DIAPH2: variants seen among roughly 807,000 people sequenced by gnomAD.
The protein encoded by DIAPH2 is protein diaphanous homolog 2.
In DIAPH2, 35 loss-of-function variants were observed where a neutral mutation model predicts 92.7. The ratio of observed to expected loss-of-function variants is 0.38; its 90% CI spans 0.29 to 0.50. The LOEUF is 0.50. Among genes scored for constraint, DIAPH2 ranks in the 20% least tolerant of loss-of-function variants. The pLI, the probability that DIAPH2 is intolerant of heterozygous loss-of-function variation, is 0.94. For missense variants in DIAPH2, 701 were observed against 819.5 expected (o/e 0.86, Z 1.77); for synonymous variants, 301 against 280.4 (o/e 1.07, Z -0.73).
intron 22 of DIAPH2, among the ~76,000 whole-genome samples, chrX:97,156,843 T>C (rs1352121414): frequency 2.7e-5 from 3 of 111,790 alleles, no homozygotes; most frequent in Non-Finnish European, 5.6e-5. Context: ...AGCAGTGTCA[T>C]ACTATGAACG....
intron 5 of DIAPH2, among the ~76,000 whole-genome samples, chrX:96,887,493 G>A (rs887400450): frequency 3.6e-5 from 4 of 110,673 alleles, no homozygotes; most frequent in Admixed American, 2.9e-4. Context: ...ATCCACCCAA[G>A]GTTTTTTCCT....
chrX:97,553,952 C>A (rs974073594), intron 26 of DIAPH2, among the ~76,000 whole-genome samples: 1 of 111,751 alleles, frequency 8.9e-6, no homozygotes, highest in Non-Finnish European at 1.9e-5. Flanking sequence ...GATAGACATA[C>A]ACTAGTACAT....
At chrX:97,037,318 T>C (rs1032252466) in intron 17 of DIAPH2, among the ~76,000 whole-genome samples, 2 of 111,232 alleles carry the variant, frequency 1.8e-5, no homozygotes, top group Non-Finnish European at 3.8e-5. Flanking sequence ...TGTATATTTA[T>C]CTCCTGCTGC....
chrX:97,382,825 G>T (rs2069563272), intron 24 of DIAPH2, among the ~76,000 whole-genome samples: 1 of 112,069 alleles, frequency 8.9e-6, no homozygotes, highest in African/African-American at 3.2e-5. Flanking sequence ...TTAACATAAA[G>T]AAAAAAATTA....
intron 26 of DIAPH2, among the ~76,000 whole-genome samples, chrX:97,540,130 TACTCAGTAC>T (rs200739619): frequency 0.021 from 2,373 of 112,243 alleles, 61 homozygotes; most frequent in African/African-American, 0.073. Flanking sequence ...ATCCTTGTCA[TACTCAGTAC>T]ACTGTTCACA....
chrX:97,087,908 C>CA (rs200538054), intron 19 of DIAPH2, among the ~76,000 whole-genome samples: 1,776 of 111,027 alleles, frequency 0.016, 45 homozygotes, highest in African/African-American at 0.055. Context: ...TCTTTGATCC[C>CA]AGCTCATCAT....
chrX:97,275,185 C>A (rs779058369), intron 23 of DIAPH2, among the ~76,000 whole-genome samples: 45 of 111,462 alleles, frequency 4.0e-4, no homozygotes, highest in African/African-American at 1.4e-3. Flanking sequence ...GGCGGCCGGG[C>A]AGAGGGGCTC....
At chrX:97,365,480 C>T (rs2069371217) in intron 24 of DIAPH2, among the ~76,000 whole-genome samples, 1 of 110,773 alleles carries the variant, frequency 9.0e-6, no homozygotes, top group African/African-American at 3.3e-5. Context: ...ATCTAACTCT[C>T]CCCAGCCACT....
chrX:96,822,016 T>G (rs1057302559), intron 4 of DIAPH2, among the ~76,000 whole-genome samples: 2 of 111,642 alleles, frequency 1.8e-5, no homozygotes, highest in South Asian at 3.7e-4. Context: ...CTGAATACAT[T>G]GTTGTGGCTG....
chrX:97,241,229 A>G (rs1036072607), intron 22 of DIAPH2, among the ~76,000 whole-genome samples: 1 of 112,270 alleles, frequency 8.9e-6, no homozygotes, highest in African/African-American at 3.2e-5. Flanking sequence ...ACTACTTAGA[A>G]TAATGTCTAG....
At chrX:97,381,468 A>G (rs1211712011) in intron 24 of DIAPH2, among the ~76,000 whole-genome samples, 2 of 112,104 alleles carry the variant, frequency 1.8e-5, no homozygotes, top group Non-Finnish European at 3.8e-5. Flanking sequence ...TAGTATCAAT[A>G]TATCCTAAAT....
chrX:97,498,717 T>C (rs1364410144), intron 26 of DIAPH2, among the ~76,000 whole-genome samples: 3 of 111,693 alleles, frequency 2.7e-5, no homozygotes, highest in Non-Finnish European at 5.6e-5. Flanking sequence ...CATTAATTTA[T>C]TTACCATTGA....
chrX:97,583,066 T>C (rs1415436728), intron 26 of DIAPH2, among the ~76,000 whole-genome samples: 2 of 111,403 alleles, frequency 1.8e-5, no homozygotes, highest in African/African-American at 6.5e-5. Context: ...ATTCTAGTTA[T>C]ACATTCTTCT....
At chrX:97,379,131 C>T (rs1338408894) in intron 24 of DIAPH2, among the ~76,000 whole-genome samples, 1 of 111,077 alleles carries the variant, frequency 9.0e-6, no homozygotes, top group Admixed American at 9.5e-5. Flanking sequence ...TCATGAGTGC[C>T]AAGTTACAGT....
intron 26 of DIAPH2, among the ~76,000 whole-genome samples, chrX:97,590,103 C>CT (rs1569430534): frequency 8.9e-6 from 1 of 112,250 alleles, no homozygotes; most frequent in African/African-American, 3.2e-5. Context: ...TTTATAGACT[C>CT]TTGCATTGTA....
chrX:96,946,293 T>G (rs1160629460), intron 14 of DIAPH2, among the ~76,000 whole-genome samples: 1 of 111,775 alleles, frequency 8.9e-6, no homozygotes, highest in Non-Finnish European at 1.9e-5. Flanking sequence ...AGTTTCTCTT[T>G]TTTTGTTCTA....
chrX:96,819,660 G>A (rs1009499942), intron 4 of DIAPH2, among the ~76,000 whole-genome samples: 41 of 112,328 alleles, frequency 3.7e-4, no homozygotes, highest in African/African-American at 1.3e-3. Flanking sequence ...GAATTCCTGA[G>A]AAGTAGGAAT....
intron 4 of DIAPH2, among the ~76,000 whole-genome samples, chrX:96,792,937 A>C (rs1050237663): frequency 1.8e-5 from 2 of 111,634 alleles, no homozygotes; most frequent in Admixed American, 1.9e-4. Context: ...TTATATTTTG[A>C]AATTAAAGTT....
At chrX:96,976,838 A>C (rs2065965099) in intron 17 of DIAPH2, among the ~76,000 whole-genome samples, 1 of 111,608 alleles carries the variant, frequency 9.0e-6, no homozygotes, top group Admixed American at 9.6e-5. Context: ...TTAAAACAAT[A>C]ATAAATTTAT....
Sources: allele counts gnomAD v4.1 joint callset (sites outside exome capture counted in the v4.1 genomes callset), GRCh38; gene constraint gnomAD v4.1.1; transcripts MANE v1.5; gene names NCBI Gene and HGNC (gene_info 2026-07-23, HGNC 2026-07-21).